Variants in EIF2AK4 observed in about 807,000 individuals in gnomAD.
The protein encoded by EIF2AK4 is eIF-2-alpha kinase GCN2.
EIF2AK4 carries 139 observed loss-of-function variants against 211.1 expected under a neutral mutation model. The ratio of observed to expected loss-of-function variants is 0.66; its 90% CI spans 0.57 to 0.76. The LOEUF is 0.76. Ranked by LOEUF, EIF2AK4 falls within the 30% of genes least tolerant of loss-of-function variation. The probability of loss-of-function intolerance (pLI) is 0.00; values close to 1 mark genes in which losing one functional copy is unlikely to be tolerated. For missense variants in EIF2AK4, 1,664 were observed against 2,043.8 expected, an observed-to-expected ratio of 0.81 and a Z score of 3.58; for synonymous variants, 710 against 751.3, an observed-to-expected ratio of 0.94 and a Z score of 0.90.
intron 20 of EIF2AK4, among the ~76,000 whole-genome samples, chr15:40,000,595 C>A (rs928181040): frequency 1.3e-5 from 2 of 152,100 alleles, no homozygotes; most frequent in Non-Finnish European, 2.9e-5. Flanking sequence ...TTTAGGATTC[C>A]AGCAGTTATT....
At chr15:39,985,993 GC>G in intron 14 of EIF2AK4, 105 bp downstream of exon 14, 1 of 877,496 alleles carries the variant, frequency 1.1e-6, no homozygotes, top group Non-Finnish European at 1.7e-6. Flanking sequence ...AGGGCTTATT[GC>G]CACTACCAAA....
At chr15:39,977,868 CTT>C (rs2034723163) in intron 12 of EIF2AK4, 5 of 351,892 alleles carry the variant, frequency 1.4e-5, no homozygotes, top group South Asian at 1.4e-4. Flanking sequence ...TTTGAGGAAA[CTT>C]AATCTGGCTA....
intron 35 of EIF2AK4, among the ~76,000 whole-genome samples, chr15:40,031,553 C>T (rs1035349866): frequency 6.6e-6 from 1 of 152,174 alleles, no homozygotes; most frequent in African/African-American, 2.4e-5. Context: ...TATCATCTCT[C>T]TGTCTCTGTG....
chr15:40,028,546 C>A (rs936788396), intron 33 of EIF2AK4, among the ~76,000 whole-genome samples: 2 of 152,114 alleles, frequency 1.3e-5, no homozygotes, highest in African/African-American at 2.4e-5. Flanking sequence ...CTACTACCCC[C>A]CAACAGAGAA....
chr15:40,020,353 T>C (rs2035366604), intron 30 of EIF2AK4, among the ~76,000 whole-genome samples: 1 of 151,228 alleles, frequency 6.6e-6, no homozygotes, highest in African/African-American at 2.4e-5. Flanking sequence ...TTTTTTTTTT[T>C]TTTACTGTGG....
chr15:40,021,660 G>A (rs1049890658), intron 31 of EIF2AK4: 7 of 152,464 alleles, frequency 4.6e-5, no homozygotes, highest in East Asian at 1.9e-4. Flanking sequence ...GACACTTGCC[G>A]TGGGTGTGGA....
At chr15:39,973,460 C>G (rs527320184) in intron 10 of EIF2AK4, 132 bp from the exon 11 acceptor site, 16 of 932,952 alleles carry the variant, frequency 1.7e-5, no homozygotes, top group Non-Finnish European at 2.4e-5. Flanking sequence ...TTTAAAAGGC[C>G]ACTCAGGTAA....
chr15:40,009,197 C>G (rs1318355828), intron 25 of EIF2AK4, among the ~76,000 whole-genome samples: 1 of 151,968 alleles, frequency 6.6e-6, no homozygotes, highest in Non-Finnish European at 1.5e-5. Flanking sequence ...TCAAGCAGTC[C>G]TCCTGCCTTG....
At chr15:39,987,952 A>G in intron 14 of EIF2AK4, 31 bp from the exon 15 acceptor site, 2 of 1,610,480 alleles carry the variant, frequency 1.2e-6, no homozygotes, top group Non-Finnish European at 1.7e-6. Context: ...ACTGTTGTGT[A>G]ATCAAATTCT....
At position 40,026,187 on chromosome 15, in the gene EIF2AK4, G is replaced by A. The variant is rs8028714; in HGVS notation, c.4502+98G>A. 4 of 1,079,974 alleles carry A rather than the reference G, an allele frequency of 3.7e-6. No homozygotes were observed. In the South Asian group the frequency reaches 5.8e-5, roughly 16 times the overall value. The allele number at this position is 1,079,974 out of a possible 1,614,324, so 66.9% of individuals were successfully genotyped here. A position where few individuals can be genotyped will look rare whatever the true frequency, so the allele number is the denominator to read the frequency against. Reference sequence around the variant, plus strand: ...AAGTCAATTTGAGCCAGGTGCTGTGGCTCACACCTGTAATCCCAGCACTTT... The same window carrying A: ...AAGTCAATTTGAGCCAGGTGCTGTGACTCACACCTGTAATCCCAGCACTTT... On this transcript the variant is annotated intron_variant, in intron 33 of 38. Transcript: ENST00000263791.
intron 13 of EIF2AK4, among the ~76,000 whole-genome samples, chr15:39,985,079 C>T (rs976886732): frequency 1.3e-4 from 20 of 152,272 alleles, no homozygotes; most frequent in Middle Eastern, 6.8e-3. Flanking sequence ...TGAATTTTAT[C>T]AAAGGCCTTT....
At chr15:40,034,580 A>G (rs1195047953) in intron 38 of EIF2AK4, 136 bp downstream of exon 38, 3 of 688,390 alleles carry the variant, frequency 4.4e-6, no homozygotes, top group African/African-American at 1.8e-5. Context: ...CTGACAACCA[A>G]TAAATCTTGC....
chr15:40,034,479 G>A (rs779765011), intron 38 of EIF2AK4, 35 bp downstream of exon 38: 2 of 1,542,464 alleles, frequency 1.3e-6, no homozygotes, highest in Admixed American at 3.4e-5. Context: ...GGGTTCACAT[G>A]GTTAAAATTC....
At chr15:39,942,466 C>G (rs1480925318) in intron 2 of EIF2AK4, among the ~76,000 whole-genome samples, 1 of 152,184 alleles carries the variant, frequency 6.6e-6, no homozygotes. Context: ...CCCTTTCATA[C>G]TGAAGCATTG....
rs878902807 is a variant in EIF2AK4, at chr15:40,034,498, G to A, written c.4892+54G>A. 4 of 1,363,456 alleles carry A rather than the reference G, an allele frequency of 2.9e-6. No homozygotes were observed. In the African/African-American group the frequency reaches 4.3e-5, roughly 15 times the overall value. The allele number at this position is 1,363,456 out of a possible 1,614,324, so 84.5% of individuals were successfully genotyped here. A position where few individuals can be genotyped will look rare whatever the true frequency, so the allele number is the denominator to read the frequency against. ...TCACATGGTTAAAATTCAGGGCGGG[G>A]GGTTTCAGAGTGACATTATTTTGTT... On this transcript the variant is annotated intron_variant, in intron 38 of 38. Coordinates refer to ENST00000263791, the MANE Select transcript of EIF2AK4 (RefSeq NM_001013703.4).
intron 33 of EIF2AK4, among the ~76,000 whole-genome samples, chr15:40,026,701 T>C (rs551808805): frequency 4.1e-4 from 63 of 152,340 alleles, no homozygotes; most frequent in African/African-American, 1.4e-3. Flanking sequence ...TTATTCAGTC[T>C]GCTAATCAGT....
At chr15:40,029,259 T>C in intron 33 of EIF2AK4, 147 bp from the exon 34 acceptor site, 1 of 1,367,588 alleles carries the variant, frequency 7.3e-7, no homozygotes, top group Non-Finnish European at 9.5e-7. Context: ...ATGCAAATTT[T>C]TTGTTTTTGT....
In EIF2AK4 at chr15:39,988,092, A is replaced by C; in HGVS notation, c.2513A>C (p.Tyr838Ser). 1.2e-6 allele frequency: 2 copies of C among 1,614,110 alleles called. No individual in the cohort carries two copies. Among genetic ancestry groups the C allele is most frequent in the Non-Finnish European group, 1.7e-6 (2 of 1,179,972 alleles). ...LFREILDGLA[Y>S]IHEKGMIHRD... The stretch of plus-strand genomic sequence containing the variant: ...CGAGAGATTCTGGATGGATTAGCTT[A>C]TATCCATGAGAAAGTAAACTTTACA... The change falls in exon 15 of 39, where the codon TAT becomes TCT. Residue 838 changes from tyrosine (Y) to serine (S), a missense_variant. Tyr to Ser is a moderately radical substitution (Grantham distance 144, BLOSUM62 -2). Around this residue, in one of 7 missense-constraint regions of EIF2AK4, gnomAD observed 622 missense variants for 796.8 expected, o/e 0.78. Coordinates refer to ENST00000263791, the MANE Select transcript of EIF2AK4 (RefSeq NM_001013703.4).
At position 39,949,134 on chromosome 15, in the gene EIF2AK4, G is replaced by A; in HGVS notation, c.379G>A (p.Ala127Thr). The change falls in exon 4 of 39, where the codon GCT becomes ACT. Residue 127 changes from alanine to threonine, a missense_variant. By Grantham distance (58) the Ala-to-Thr change is moderately conservative. Transcript: ENST00000263791. ...HCGEVMIFEL[A>T]YHVQSFLSEH... ...TGTTTAGGTGATGATCTTTGAACTG[G>A]CTTACCACGTGCAGTCATTTCTCAG... The A allele has an allele frequency of 6.2e-7, 1 of 1,613,944 alleles. No individual in the cohort carries two copies. The highest frequency in any genetic ancestry group is 8.5e-7 in the Non-Finnish European group (1 of 1,179,938).
Sources: allele counts gnomAD v4.1 joint callset (sites outside exome capture counted in the v4.1 genomes callset), GRCh38; gene constraint gnomAD v4.1.1; regional missense constraint gnomAD v4.1.1; transcripts MANE v1.5; gene names NCBI Gene and HGNC (gene_info 2026-07-23, HGNC 2026-07-21).